GATAD2B: variants seen among roughly 807,000 people sequenced by gnomAD.
GATAD2B encodes the protein transcriptional repressor p66-beta.
GATAD2B carries 8 observed loss-of-function variants against 64.3 expected under a neutral mutation model. The ratio of observed to expected loss-of-function variants is 0.12; its 90% CI spans 0.07 to 0.22. The LOEUF (loss-of-function observed/expected upper bound fraction) is 0.22. GATAD2B is among the 10% of genes least tolerant of loss of function. The probability of loss-of-function intolerance (pLI) is 1.00; values close to 1 mark genes in which losing one functional copy is unlikely to be tolerated. For missense variants in GATAD2B, 453 were observed against 752.0 expected, an observed-to-expected ratio of 0.60 and a Z score of 4.65; for synonymous variants, 281 against 271.3, an observed-to-expected ratio of 1.04 and a Z score of -0.35.
rs559643702 is a variant in GATAD2B at position 153,831,733 on chromosome 1, T to C, written c.-1-3385A>G. ...GCTATAGACCACTACCCTAACTCTA[T>C]AGTTAACAATGTCTTTAGTAGTTCA... is the stretch of plus-strand genomic sequence containing the variant. On this transcript the variant is annotated intron_variant, in intron 1 of 10. Transcript: ENST00000368655. Among the ~76,000 whole-genome samples the C allele has an allele frequency of 8.8e-4, 134 of 152,300 alleles. 1 individual carries two copies. In the South Asian group the frequency reaches 0.016, roughly 18 times the overall value.
intron 1 of GATAD2B, among the ~76,000 whole-genome samples, chr1:153,863,489 T>A (rs1279220726): frequency 4.8e-5 from 7 of 144,782 alleles, no homozygotes; most frequent in African/African-American, 1.8e-4. Context: ...ACAGTGAACC[T>A]CCGTCTCAAA....
chr1:153,840,247 C>A (rs1056088361), intron 1 of GATAD2B, among the ~76,000 whole-genome samples: 17 of 151,584 alleles, frequency 1.1e-4, no homozygotes, highest in Non-Finnish European at 2.1e-4. Context: ...GTTGTCCAGG[C>A]TGGTCTTGAA....
At chr1:153,841,173 A>C (rs1675480718) in intron 1 of GATAD2B, among the ~76,000 whole-genome samples, 1 of 152,038 alleles carries the variant, frequency 6.6e-6, no homozygotes. Flanking sequence ...GGAGATAAAG[A>C]AGATCTCATG....
chr1:153,826,301 G>A (rs1005654014), intron 2 of GATAD2B, among the ~76,000 whole-genome samples: 10 of 152,060 alleles, frequency 6.6e-5, no homozygotes, highest in Non-Finnish European at 1.5e-4. Context: ...TTACAGGCGT[G>A]AGCCACCGCA....
chr1:153,820,149 A>G (rs1674628089), intron 2 of GATAD2B, among the ~76,000 whole-genome samples: 1 of 152,072 alleles, frequency 6.6e-6, no homozygotes, highest in Admixed American at 6.6e-5. Flanking sequence ...TAGGTACTGA[A>G]GAGTACACAA....
At chr1:153,897,680 T>C in intron 1 of GATAD2B, among the ~76,000 whole-genome samples, 1 of 152,202 alleles carries the variant, frequency 6.6e-6, no homozygotes, top group Non-Finnish European at 1.5e-5. Context: ...CCAGAATTTA[T>C]GTCTTCTAAA....
chr1:153,824,604 T>A (rs1674803860), intron 2 of GATAD2B, among the ~76,000 whole-genome samples: 2 of 117,146 alleles, frequency 1.7e-5, no homozygotes, highest in Non-Finnish European at 3.4e-5. Context: ...AGAGCGAGAC[T>A]CTGCCTTTAA....
chr1:153,857,430 A>G (rs1232164464), intron 1 of GATAD2B, among the ~76,000 whole-genome samples: 3 of 152,124 alleles, frequency 2.0e-5, no homozygotes, highest in Admixed American at 6.6e-5. Context: ...TGGGCGACAG[A>G]GGGAGACTCT....
At chr1:153,828,493 A>AC in intron 1 of GATAD2B, 145 bp from the exon 2 acceptor site, 1 of 550,476 alleles carries the variant, frequency 1.8e-6, no homozygotes, top group Non-Finnish European at 3.1e-6. Flanking sequence ...CACACACACA[A>AC]AGTTCAAAGT....
At chr1:153,892,841 C>T (rs1040320360) in intron 1 of GATAD2B, among the ~76,000 whole-genome samples, 1 of 151,780 alleles carries the variant, frequency 6.6e-6, no homozygotes, top group Non-Finnish European at 1.5e-5. Context: ...ACTACAGGCA[C>T]GTGCCACCAC....
intron 1 of GATAD2B, among the ~76,000 whole-genome samples, chr1:153,830,871 G>A (rs561866852): frequency 6.6e-6 from 1 of 152,134 alleles, no homozygotes; most frequent in Admixed American, 6.5e-5. Context: ...CAAACTCTAG[G>A]GCTCCAACAA....
chr1:153,867,697 T>C (rs529083929), intron 1 of GATAD2B, among the ~76,000 whole-genome samples: 3 of 151,030 alleles, frequency 2.0e-5, no homozygotes, highest in Non-Finnish European at 4.4e-5. Flanking sequence ...CTGTTTCTAC[T>C]AAAAATATAA....
chr1:153,807,999 A>G lies in GATAD2B; in HGVS notation c.*2178T>C, dbSNP rs1674161102. On this transcript the variant is annotated 3_prime_UTR_variant, in exon 11 of 11. Transcript: ENST00000368655. ...TTGTGGAAGAGAGAAAAGCAAAACC[A>G]AACAATTTATCCAGTGCTTTCAAAG... 6.6e-6 allele frequency: 1 copy of G among 152,544 alleles called. No individual in the cohort carries two copies. Among genetic ancestry groups the G allele is most frequent in the Admixed American group, 6.6e-5 (1 of 15,262 alleles). 9.4% of individuals were successfully genotyped at this position (152,544 alleles called of 1,614,324 possible).
chr1:153,853,542 G>A (rs1326009934), intron 1 of GATAD2B: 1 of 245,922 alleles, frequency 4.1e-6, no homozygotes, highest in Non-Finnish European at 7.9e-6. Context: ...TCAAATATAT[G>A]GTTCACAAAC....
intron 1 of GATAD2B, among the ~76,000 whole-genome samples, chr1:153,833,260 A>C (rs1675141434): frequency 6.6e-6 from 1 of 152,018 alleles, no homozygotes; most frequent in Non-Finnish European, 1.5e-5. Flanking sequence ...CTCTGCCTGC[A>C]CTCTCTCAAT....
intron 8 of GATAD2B, 35 bp from the exon 9 acceptor site, chr1:153,812,167 G>C (rs751102809): frequency 8.9e-7 from 1 of 1,129,432 alleles, no homozygotes; most frequent in East Asian, 2.4e-5. Context: ...GATTGAGCAG[G>C]ACAGCACCCA....
At chr1:153,861,250 T>A (rs1192181281) in intron 1 of GATAD2B, among the ~76,000 whole-genome samples, 2 of 151,850 alleles carry the variant, frequency 1.3e-5, no homozygotes, top group Non-Finnish European at 2.9e-5. Context: ...CTTCAAGAAC[T>A]TGTCAGAAAA....
chr1:153,861,792 A>AAAAAAAAAAAC (rs1676294442), intron 1 of GATAD2B, among the ~76,000 whole-genome samples: 1 of 92,076 alleles, frequency 1.1e-5, no homozygotes, highest in African/African-American at 3.5e-5. Flanking sequence ...AAAAAAAAAA[A>AAAAAAAAAAAC]AAAATATATA....
chr1:153,889,474 T>A (rs1167515146), intron 1 of GATAD2B, among the ~76,000 whole-genome samples: 1 of 139,050 alleles, frequency 7.2e-6, no homozygotes, highest in African/African-American at 2.7e-5. Context: ...TATTTATAAA[T>A]CACTCTGGGC....
Sources: allele counts gnomAD v4.1 joint callset (sites outside exome capture counted in the v4.1 genomes callset), GRCh38; gene constraint gnomAD v4.1.1; transcripts MANE v1.5; gene names NCBI Gene and HGNC (gene_info 2026-07-23, HGNC 2026-07-21).